RPA3: variants seen among roughly 807,000 people sequenced by gnomAD.
The protein encoded by RPA3 is replication protein A 14 kDa subunit.
Under a neutral mutation model 13.7 loss-of-function variants are expected in RPA3, and 24 were observed. The observed-to-expected ratio is 1.75, with a 90% CI of 1.27 to 2.46. RPA3 has a LOEUF of 2.46. Ranked by LOEUF, RPA3 falls within the 30% of genes most tolerant of loss-of-function variation. The pLI, the probability that RPA3 is intolerant of heterozygous loss-of-function variation, is 0.00. For synonymous variants in RPA3, 59 were observed against 51.2 expected (o/e 1.15, Z -0.65); for missense variants, 183 against 151.0 (o/e 1.21, Z -1.11).
intron 1 of RPA3, among the ~76,000 whole-genome samples, chr7:7,716,161 C>T (rs1003285382): frequency 2.0e-5 from 3 of 152,036 alleles, no homozygotes; most frequent in African/African-American, 7.2e-5. Flanking sequence ...TAAGAGCAAT[C>T]CAGCTGCAAA....
At chr7:7,716,998 C>T (rs1374421445) in intron 1 of RPA3, among the ~76,000 whole-genome samples, 1 of 152,064 alleles carries the variant, frequency 6.6e-6, no homozygotes, top group African/African-American at 2.4e-5. Flanking sequence ...CCGTTCGGGA[C>T]CCCTTCCTCT....
intron 4 of RPA3, among the ~76,000 whole-genome samples, chr7:7,644,413 G>T (rs1785049772): frequency 2.7e-5 from 4 of 146,820 alleles, no homozygotes; most frequent in Admixed American, 1.4e-4. Flanking sequence ...TCCCCCTTAA[G>T]TTTAATGTAG....
intron 4 of RPA3, chr7:7,673,425 G>A: frequency 1.0e-6 from 1 of 981,204 alleles, no homozygotes; most frequent in Non-Finnish European, 1.6e-6. Flanking sequence ...CAGTACCAGA[G>A]ACAGAAGCAG....
At chr7:7,652,617 G>T (rs145401505) in intron 4 of RPA3, among the ~76,000 whole-genome samples, 1 of 152,224 alleles carries the variant, frequency 6.6e-6, no homozygotes, top group African/African-American at 2.4e-5. Context: ...AAAGAGGCAG[G>T]AAGTAGATTG....
rs766644906 is a variant in RPA3, at chr7:7,717,060, C to CTTTT, written c.-1080+1451_-1080+1454dup. Among the ~76,000 whole-genome samples the CTTTT allele has an allele frequency of 3.2e-4, 45 of 141,620 alleles. 1 individual carries two copies. Among genetic ancestry groups the CTTTT allele is most frequent in the African/African-American group, 1.1e-3 (41 of 37,918 alleles). 92.9% of individuals were successfully genotyped at this position (141,620 alleles called of 152,430 possible). On this transcript the variant is annotated intron_variant, in intron 1 of 7. Transcript: ENST00000223129. Reference sequence around the variant, plus strand: ...TTCCTTTTTCTTTCTTTCTTTTTTTCTTTTTTTTTTTTTTGAGACGGAGTC... The same window carrying CTTTT: ...TTCCTTTTTCTTTCTTTCTTTTTTTCTTTTTTTTTTTTTTTTTTGAGACGGAGTC...
intron 4 of RPA3, among the ~76,000 whole-genome samples, chr7:7,652,635 C>A (rs1785249743): frequency 6.6e-6 from 1 of 152,128 alleles, no homozygotes. Flanking sequence ...TTGGTTAATT[C>A]CGTGAATTTG....
intron 2 of RPA3, among the ~76,000 whole-genome samples, chr7:7,713,050 A>G (rs1780807018): frequency 6.6e-6 from 1 of 152,114 alleles, no homozygotes. Context: ...TTCAAAAAAT[A>G]TTCTAGGGCC....
At chr7:7,669,697 G>T (rs1341180416) in intron 4 of RPA3, among the ~76,000 whole-genome samples, 1 of 152,220 alleles carries the variant, frequency 6.6e-6, no homozygotes, top group African/African-American at 2.4e-5. Flanking sequence ...TCTTGAGGTG[G>T]ACTGTAGTAG....
Position 7,637,089 on chromosome 7 carries a change from G to A in RPA3, c.284-7C>T. On this transcript the variant is annotated splice_polypyrimidine_tract_variant and splice_region_variant and intron_variant, in intron 7 of 7. Transcript: ENST00000223129. Reference sequence around the variant, plus strand: ...TCATTGTAAAGTCCAAGATCTGAAAGAAACATTTAAGCAAACATTTAATCT... The same window carrying A: ...TCATTGTAAAGTCCAAGATCTGAAAAAAACATTTAAGCAAACATTTAATCT... 6.3e-7 allele frequency: 1 copy of A among 1,586,888 alleles called. No homozygotes were observed. The highest frequency in any genetic ancestry group is 8.7e-7 in the Non-Finnish European group (1 of 1,156,040).
intron 4 of RPA3, among the ~76,000 whole-genome samples, chr7:7,670,761 G>A (rs1307987366): frequency 6.6e-6 from 1 of 152,144 alleles, no homozygotes; most frequent in Non-Finnish European, 1.5e-5. Context: ...GGTGGAACTG[G>A]TAAGCATAAT....
chr7:7,642,162 T>C (rs1355354919), intron 4 of RPA3, among the ~76,000 whole-genome samples: 1 of 152,106 alleles, frequency 6.6e-6, no homozygotes, highest in African/African-American at 2.4e-5. Flanking sequence ...TGAGGCAAGA[T>C]CTCTCTCTGT....
In RPA3 at chr7:7,640,517, C is replaced by A. The variant is rs537622406; in HGVS notation, c.-99G>T. 5.7e-6 allele frequency: 6 copies of A among 1,051,182 alleles called. No individual in the cohort carries two copies. In the African/African-American group the frequency reaches 7.9e-5, roughly 14 times the overall value. The allele number at this position is 1,051,182 out of a possible 1,614,324, so 65.1% of individuals were successfully genotyped here. A position where few individuals can be genotyped will look rare whatever the true frequency, so the allele number is the denominator to read the frequency against. Reference sequence around the variant, plus strand: ...GGGCAGATTTCTCGGCACCAATCAGCGAAGACTAGCGCTCCAGCTTCGCCA... The same window carrying A: ...GGGCAGATTTCTCGGCACCAATCAGAGAAGACTAGCGCTCCAGCTTCGCCA... On this transcript the variant is annotated 5_prime_UTR_variant, in exon 5 of 8. Coordinates refer to ENST00000223129, the MANE Select transcript of RPA3 (RefSeq NM_002947.5).
At chr7:7,673,310 TAGCAGCAGCAGC>T in intron 4 of RPA3, 23,077 of 982,842 alleles carry the variant, frequency 0.023, 271 homozygotes, top group African/African-American at 0.042. Flanking sequence ...CTATTTCAGG[TAGCAGCAGCAGC>T]AGCAGCAGCA....
intron 2 of RPA3, among the ~76,000 whole-genome samples, chr7:7,700,434 GA>G (rs1337427835): frequency 6.6e-6 from 1 of 152,058 alleles, no homozygotes; most frequent in Non-Finnish European, 1.5e-5. Context: ...TTTATATTAA[GA>G]AAAAGTCAGG....
intron 5 of RPA3, among the ~76,000 whole-genome samples, chr7:7,639,420 C>G (rs969710663): frequency 2.0e-5 from 3 of 152,108 alleles, no homozygotes; most frequent in African/African-American, 7.2e-5. Flanking sequence ...ATTCTGATAA[C>G]AAATTAAAGG....
intron 4 of RPA3, among the ~76,000 whole-genome samples, chr7:7,642,167 C>G (rs3779374): frequency 0.53 from 81,007 of 151,974 alleles, 23,536 homozygotes; most frequent in African/African-American, 0.77. Context: ...CAAGATCTCT[C>G]TCTGTCACCC....
intron 2 of RPA3, among the ~76,000 whole-genome samples, chr7:7,690,773 G>T (rs1780155396): frequency 1.3e-5 from 2 of 152,130 alleles, no homozygotes; most frequent in African/African-American, 4.8e-5. Context: ...ACCAATTATA[G>T]TGAAAGCATT....
chr7:7,669,718 T>A, intron 4 of RPA3, among the ~76,000 whole-genome samples: 1 of 152,140 alleles, frequency 6.6e-6, no homozygotes, highest in East Asian at 1.9e-4. Context: ...GGGAAGGAGT[T>A]AAGTTGGTGG....
chr7:7,689,690 T>C (rs1022046305), intron 2 of RPA3, among the ~76,000 whole-genome samples: 1 of 152,190 alleles, frequency 6.6e-6, no homozygotes, highest in African/African-American at 2.4e-5. Flanking sequence ...AGAAGACATT[T>C]ATATTTATGT....
Sources: allele counts gnomAD v4.1 joint callset (sites outside exome capture counted in the v4.1 genomes callset), GRCh38; gene constraint gnomAD v4.1.1; transcripts MANE v1.5; gene names NCBI Gene and HGNC (gene_info 2026-07-23, HGNC 2026-07-21).